The following MALRD1 variants were observed in gnomAD, a reference collection of about 807,000 sequenced individuals.
MALRD1 encodes MAM and LDL receptor class A domain containing 1.
MALRD1 carries 247 observed loss-of-function variants against 242.1 expected under a neutral mutation model. The ratio of observed to expected loss-of-function variants is 1.02; its 90% CI spans 0.92 to 1.13. MALRD1 has a LOEUF of 1.13. Ranked by LOEUF, MALRD1 falls within the 50% of genes most tolerant of loss-of-function variation. MALRD1 has a pLI of 0.00. For missense variants in MALRD1, 2,989 were observed against 2,533.1 expected (o/e 1.18, Z -3.86); for synonymous variants, 995 against 866.6 (o/e 1.15, Z -2.60).
At chr10:19,424,474 A>C (rs1226330494) in intron 28 of MALRD1, among the ~76,000 whole-genome samples, 1 of 152,146 alleles carries the variant, frequency 6.6e-6, no homozygotes, top group African/African-American at 2.4e-5. Context: ...ATTATTCTTA[A>C]ATGTAACCTT....
chr10:19,567,481 A>T, intron 32 of MALRD1, 21 bp from the exon 33 acceptor site: 1 of 1,543,626 alleles, frequency 6.5e-7, no homozygotes, highest in Non-Finnish European at 8.7e-7. Context: ...ATAAAAAGTT[A>T]TTTTTTAATG....
intron 1 of MALRD1, among the ~76,000 whole-genome samples, chr10:19,055,391 G>A (rs893929292): frequency 1.3e-5 from 2 of 152,122 alleles, no homozygotes; most frequent in African/African-American, 4.8e-5. Flanking sequence ...CTGTGCAGAA[G>A]CTTTTTAGTT....
intron 26 of MALRD1, among the ~76,000 whole-genome samples, chr10:19,375,221 A>G (rs573811592): frequency 5.9e-5 from 9 of 152,224 alleles, no homozygotes; most frequent in Non-Finnish European, 1.0e-4. Context: ...AATATTCCCC[A>G]AAGTAGGTAC....
At chr10:19,219,752 A>G (rs1246226923) in intron 18 of MALRD1, among the ~76,000 whole-genome samples, 1 of 152,172 alleles carries the variant, frequency 6.6e-6, no homozygotes, top group Non-Finnish European at 1.5e-5. Flanking sequence ...GACATTTTCT[A>G]ACATACTTCT....
intron 18 of MALRD1, among the ~76,000 whole-genome samples, chr10:19,237,231 TATTCTTC>T (rs574265883): frequency 2.8e-4 from 42 of 151,690 alleles, no homozygotes; most frequent in African/African-American, 8.9e-4. Context: ...CACTAAAACT[TATTCTTC>T]CTATATAATT....
At chr10:19,173,161 G>A (rs1835084380) in intron 13 of MALRD1, among the ~76,000 whole-genome samples, 1 of 151,820 alleles carries the variant, frequency 6.6e-6, no homozygotes, top group African/African-American at 2.4e-5. Flanking sequence ...TACTTAATAT[G>A]TATAAATGTA....
chr10:19,694,091 A>G (rs1448538695), intron 38 of MALRD1, among the ~76,000 whole-genome samples: 1 of 152,242 alleles, frequency 6.6e-6, no homozygotes, highest in African/African-American at 2.4e-5. Context: ...TGGATTAAAG[A>G]CGTAAATGTT....
intron 19 of MALRD1, among the ~76,000 whole-genome samples, chr10:19,278,284 G>A (rs980893454): frequency 3.3e-5 from 5 of 152,150 alleles, no homozygotes; most frequent in African/African-American, 1.2e-4. Flanking sequence ...CACCTGGCAA[G>A]ATGAGCTCAT....
intron 18 of MALRD1, among the ~76,000 whole-genome samples, chr10:19,236,599 T>G (rs1423293271): frequency 6.6e-6 from 1 of 152,126 alleles, no homozygotes; most frequent in East Asian, 1.9e-4. Flanking sequence ...TTAGATAAAA[T>G]GCCAACTTTC....
At chr10:19,561,387 C>A (rs1169191330) in intron 32 of MALRD1, among the ~76,000 whole-genome samples, 1 of 152,134 alleles carries the variant, frequency 6.6e-6, no homozygotes, top group East Asian at 1.9e-4. Flanking sequence ...TGGTTTGCTG[C>A]CCTCTGATCT....
chr10:19,520,528 T>C (rs1833832170), intron 31 of MALRD1, among the ~76,000 whole-genome samples: 1 of 152,204 alleles, frequency 6.6e-6, no homozygotes, highest in East Asian at 1.9e-4. Context: ...GAAATCCAGG[T>C]GACTTTGTTG....
chr10:19,248,840 T>C (rs995339298), intron 18 of MALRD1, among the ~76,000 whole-genome samples: 13 of 150,584 alleles, frequency 8.6e-5, no homozygotes, highest in African/African-American at 3.1e-4. Flanking sequence ...AAAAAATATG[T>C]TGTAAGACTG....
rs529444777 is a variant in MALRD1, at chr10:19,347,799, A to G, written c.3930A>G (p.Glu1310=). The stretch of plus-strand genomic sequence containing the variant: ...CCTCCAGTGGGCGCTGTGATTTCGA[A>G]TTTGATCTTTGTTCCTGGAAGCAGG... ...CRTSSGRCDF[E]FDLCSWKQEK... The change falls in exon 25 of 40, where the codon GAA becomes GAG. Residue 1310 remains glutamate (E), a synonymous_variant. Transcript: ENST00000454679. The G allele has an allele frequency of 1.3e-6, 2 of 1,550,372 alleles. No homozygotes were observed. Among genetic ancestry groups the G allele is most frequent in the African/African-American group, 2.7e-5 (2 of 73,020 alleles).
chr10:19,170,055 A>G (rs1400418415), intron 13 of MALRD1, among the ~76,000 whole-genome samples: 1 of 152,196 alleles, frequency 6.6e-6, no homozygotes, highest in Non-Finnish European at 1.5e-5. Flanking sequence ...TGGGTTTCAT[A>G]GCAAATAAGC....
intron 33 of MALRD1, among the ~76,000 whole-genome samples, chr10:19,572,685 A>G (rs1157379990): frequency 6.6e-6 from 1 of 152,208 alleles, no homozygotes; most frequent in Non-Finnish European, 1.5e-5. Flanking sequence ...GATGTAAATT[A>G]ACGGCATTTT....
intron 32 of MALRD1, among the ~76,000 whole-genome samples, chr10:19,539,117 C>A (rs1834814116): frequency 1.3e-5 from 2 of 152,160 alleles, no homozygotes; most frequent in Non-Finnish European, 2.9e-5. Flanking sequence ...CAGAGTCAGA[C>A]TTAATAAGAT....
In MALRD1 at chr10:19,059,645, G is replaced by T. The variant is rs529894615; in HGVS notation, c.200-7074G>T. On this transcript the variant is annotated intron_variant, in intron 1 of 39. Transcript: ENST00000454679. ...GACCTCAAGTGATCCGCCCACTGTG[G>T]CCTCCCAAAGTGCTGGGGTTATAGG... Among the ~76,000 whole-genome samples the T allele has an allele frequency of 2.0e-5, 3 of 152,026 alleles. No individual in the cohort carries two copies. The East Asian group carries it at 5.8e-4, about 29-fold the overall frequency.
Position 19,049,110 on chromosome 10 carries a change from T to C in MALRD1, c.172T>C (p.Cys58Arg). 8.1e-7 allele frequency: 1 copy of C among 1,233,846 alleles called. No individual in the cohort carries two copies. The highest frequency in any genetic ancestry group is 1.0e-6 in the Non-Finnish European group (1 of 988,128). 76.4% of individuals were successfully genotyped at this position (1,233,846 alleles called of 1,614,324 possible). Residue 58 changes from cysteine to arginine, a missense_variant, in exon 1 of 40, where the codon TGT becomes CGT. Transcript: ENST00000454679. Reference sequence around the variant, plus strand: ...CAGCATTTGTGACTTCACAGATCAGTGTGGGGATAGCAGTGATGAACGGCA... The same window carrying C: ...CAGCATTTGTGACTTCACAGATCAGCGTGGGGATAGCAGTGATGAACGGCA... ...PDSICDFTDQ[C>R]GDSSDERHCL...
At chr10:19,438,579 C>T (rs1687032051) in intron 28 of MALRD1, among the ~76,000 whole-genome samples, 1 of 152,184 alleles carries the variant, frequency 6.6e-6, no homozygotes, top group African/African-American at 2.4e-5. Context: ...AACCTCCATA[C>T]TGTTTTCTAC....
Sources: gnomAD v4.1 joint callset for allele counts (sites outside exome capture counted in the v4.1 genomes callset) on GRCh38, gnomAD v4.1.1 for gene constraint, MANE v1.5 for transcripts, NCBI Gene and HGNC (gene_info 2026-07-23, HGNC 2026-07-21) for gene names.